Variants in PRORP observed in about 807,000 individuals in gnomAD.
PRORP encodes protein only RNase P catalytic subunit.
PRORP carries 51 observed loss-of-function variants against 59.4 expected under a neutral mutation model. The observed-to-expected ratio is 0.86, with a 90% CI of 0.69 to 1.08. PRORP has a LOEUF of 1.08. Ranked by LOEUF, PRORP falls within the 50% of genes least tolerant of loss-of-function variation. The pLI, the probability that PRORP is intolerant of heterozygous loss-of-function variation, is 0.00. For synonymous variants in PRORP, 231 were observed against 245.6 expected, an observed-to-expected ratio of 0.94 and a Z score of 0.55; for missense variants, 646 against 690.3, an observed-to-expected ratio of 0.94 and a Z score of 0.72.
chr14:35,237,182 T>C (rs985717423), intron 5 of PRORP, among the ~76,000 whole-genome samples: 8 of 151,714 alleles, frequency 5.3e-5, no homozygotes, highest in Non-Finnish European at 1.0e-4. Context: ...AGCCTTGACC[T>C]CCTAGGCTGA....
intron 5 of PRORP, among the ~76,000 whole-genome samples, chr14:35,264,702 C>T (rs2050996264): frequency 6.6e-6 from 1 of 152,150 alleles, no homozygotes; most frequent in South Asian, 2.1e-4. Flanking sequence ...TTCAGCTGGC[C>T]AGGCACAGTG....
chr14:35,187,305 C>A (rs1002120041), intron 5 of PRORP, among the ~76,000 whole-genome samples: 1 of 152,190 alleles, frequency 6.6e-6, no homozygotes, highest in African/African-American at 2.4e-5. Context: ...GTCTCCACAT[C>A]CTCACGAACA....
At chr14:35,143,651 G>T (rs995207962) in intron 4 of PRORP, among the ~76,000 whole-genome samples, 2 of 144,916 alleles carry the variant, frequency 1.4e-5, no homozygotes, top group Non-Finnish European at 3.1e-5. Flanking sequence ...TTGTTTGTTT[G>T]TTTGTTTGTT....
intron 5 of PRORP, 60 bp from the exon 6 acceptor site, chr14:35,266,667 A>G (rs935435762): frequency 7.0e-6 from 11 of 1,578,394 alleles, no homozygotes; most frequent in Admixed American, 1.8e-5. Context: ...TGGAAAAATC[A>G]CTCCACTAAT....
chr14:35,224,036 TTCTC>T (rs763028684), intron 5 of PRORP, among the ~76,000 whole-genome samples: 21 of 152,196 alleles, frequency 1.4e-4, no homozygotes, highest in Admixed American at 1.3e-4. Context: ...ATTCCTTTCT[TTCTC>T]TCTCATTTCC....
intron 4 of PRORP, among the ~76,000 whole-genome samples, chr14:35,174,739 C>CTTTTTTT (rs151311368): frequency 9.1e-6 from 1 of 110,360 alleles, no homozygotes; most frequent in African/African-American, 3.9e-5. Flanking sequence ...GTTCATTCTT[C>CTTTTTTT]TTTTTTTTTT....
At chr14:35,245,171 C>A (rs1315159994) in intron 5 of PRORP, among the ~76,000 whole-genome samples, 1 of 152,234 alleles carries the variant, frequency 6.6e-6, no homozygotes, top group African/African-American at 2.4e-5. Context: ...TGCTTCTAAA[C>A]TCACCATGGC....
rs554587938 is a variant in PRORP, at chr14:35,196,893, C to T, written c.1275+16116C>T. 1.2e-4 allele frequency among the ~76,000 whole-genome samples: 19 copies of T among 152,246 alleles called. No individual in the cohort carries two copies. The South Asian group carries it at 3.1e-3, about 25-fold the overall frequency. On this transcript the variant is annotated intron_variant, in intron 5 of 7. Transcript: ENST00000534898. ...GCTAATGAAGTTAATGATCAACTGT[C>T]AGGTGGGTTTTTAGTGAAGTGATCA...
At chr14:35,254,496 G>A (rs113299409) in intron 5 of PRORP, among the ~76,000 whole-genome samples, 15,263 of 152,174 alleles carry the variant, frequency 0.1, 1,209 homozygotes, top group African/African-American at 0.2. Flanking sequence ...GAGTTCAAGC[G>A]ATTCTCCTGC....
chr14:35,147,420 G>T (rs1331899038), intron 4 of PRORP, among the ~76,000 whole-genome samples: 1 of 152,158 alleles, frequency 6.6e-6, no homozygotes, highest in Non-Finnish European at 1.5e-5. Context: ...ATGGCTTACT[G>T]TAGCCTCCAC....
At position 35,232,841 on chromosome 14, in the gene PRORP, T is replaced by A. The variant is rs919316597; in HGVS notation, c.1276-33886T>A. Among the ~76,000 whole-genome samples the A allele has an allele frequency of 2.0e-5, 3 of 152,082 alleles. No homozygotes were observed. In the South Asian group the frequency reaches 6.2e-4, roughly 32 times the overall value. On this transcript the variant is annotated intron_variant, in intron 5 of 7. Coordinates refer to ENST00000534898, the MANE Select transcript of PRORP (RefSeq NM_014672.4). ...ATGCATGCCACCACGACCGGCTAAT[T>A]TTTTTGTATTTTTAGTAGAGGCGGG...
chr14:35,211,062 C>G (rs1044845322), intron 5 of PRORP, among the ~76,000 whole-genome samples: 4 of 152,024 alleles, frequency 2.6e-5, no homozygotes, highest in African/African-American at 9.7e-5. Flanking sequence ...TGCGAGCCAC[C>G]ACGCCTGGTC....
intron 4 of PRORP, among the ~76,000 whole-genome samples, chr14:35,176,148 G>A (rs1460168606): frequency 6.6e-6 from 1 of 152,174 alleles, no homozygotes; most frequent in East Asian, 1.9e-4. Context: ...CTATAACCTT[G>A]TAGTATAGTT....
chr14:35,262,269 C>G (rs1594354388), intron 5 of PRORP, among the ~76,000 whole-genome samples: 1 of 152,226 alleles, frequency 6.6e-6, no homozygotes, highest in East Asian at 1.9e-4. Context: ...GCCTCAGCAT[C>G]CCAAAGTGCT....
At chr14:35,195,323 A>T (rs145499000) in intron 5 of PRORP, among the ~76,000 whole-genome samples, 2 of 152,296 alleles carry the variant, frequency 1.3e-5, no homozygotes, top group Non-Finnish European at 2.9e-5. Context: ...ATTGGAAATT[A>T]TACAGAAGCC....
chr14:35,179,744 A>C (rs779459265), intron 4 of PRORP, among the ~76,000 whole-genome samples: 1 of 152,196 alleles, frequency 6.6e-6, no homozygotes, highest in Non-Finnish European at 1.5e-5. Flanking sequence ...AACTCATCAA[A>C]GTCATCGCAA....
At chr14:35,199,804 T>C (rs2049101841) in intron 5 of PRORP, among the ~76,000 whole-genome samples, 1 of 152,244 alleles carries the variant, frequency 6.6e-6, no homozygotes, top group Non-Finnish European at 1.5e-5. Context: ...TCATTTAGTT[T>C]AGTCAGTCTT....
intron 5 of PRORP, among the ~76,000 whole-genome samples, chr14:35,185,442 A>G (rs185391177): frequency 5.3e-5 from 8 of 152,288 alleles, no homozygotes; most frequent in East Asian, 1.9e-4. Flanking sequence ...TTTCCTGACA[A>G]TGTAATAAAA....
intron 5 of PRORP, among the ~76,000 whole-genome samples, chr14:35,220,646 C>T (rs1402634180): frequency 2.0e-5 from 3 of 152,296 alleles, no homozygotes; most frequent in Non-Finnish European, 1.5e-5. Flanking sequence ...TTCAGTCTTC[C>T]TCATGATAGC....
Sources: gnomAD v4.1 joint callset for allele counts (sites outside exome capture counted in the v4.1 genomes callset) on GRCh38, gnomAD v4.1.1 for gene constraint, MANE v1.5 for transcripts, NCBI Gene and HGNC (gene_info 2026-07-23, HGNC 2026-07-21) for gene names.